CGNL1: variants seen among roughly 807,000 people sequenced by gnomAD.
CGNL1 encodes the protein cingulin like 1.
In CGNL1, 132 loss-of-function variants were observed where a neutral mutation model predicts 141.2. The ratio of observed to expected loss-of-function variants is 0.93; its 90% CI spans 0.81 to 1.08. CGNL1 has a LOEUF of 1.08. CGNL1 is among the 50% of genes least tolerant of loss of function. CGNL1 has a pLI of 0.00. For synonymous variants in CGNL1, 690 were observed against 622.1 expected (o/e 1.11, Z -1.63); for missense variants, 1,870 against 1,588.6 (o/e 1.18, Z -3.01).
intron 8 of CGNL1, among the ~76,000 whole-genome samples, chr15:57,508,067 A>G (rs1043526501): frequency 1.3e-5 from 2 of 152,208 alleles, no homozygotes; most frequent in Non-Finnish European, 1.5e-5. Context: ...TGGCATTGGA[A>G]TCAACTCTTC....
At chr15:57,532,802 GA>G (rs2032026372) in intron 14 of CGNL1, among the ~76,000 whole-genome samples, 1 of 152,208 alleles carries the variant, frequency 6.6e-6, no homozygotes, top group African/African-American at 2.4e-5. Context: ...ATGACCCTTA[GA>G]GCCTCAGCCC....
chr15:57,528,771 A>G lies in CGNL1; in HGVS notation c.3157A>G (p.Ser1053Gly), dbSNP rs141701488. 107 of 1,614,044 alleles carry G rather than the reference A, an allele frequency of 6.6e-5. No individual in the cohort carries two copies. Among genetic ancestry groups the G allele is most frequent in the Non-Finnish European group, 8.9e-5 (105 of 1,180,026 alleles). Residue 1053 changes from serine (S) to glycine (G), a missense_variant, in exon 13 of 19, where the codon AGT becomes GGT. Physicochemically the swap from Ser to Gly is moderately conservative, Grantham distance 56. Coordinates refer to ENST00000281282, the MANE Select transcript of CGNL1 (RefSeq NM_032866.5). ...CCTGGAGTATGAGCTGGAAGCCAAG[A>G]GTCACCTCAAAGATGACCGCAGCAG... ...KDLEYELEAK[S>G]HLKDDRSRLV... is the part of the protein sequence containing the mutation.
Position 57,439,274 on chromosome 15 carries a change from C to T in CGNL1, c.1275C>T (p.Cys425=), listed in dbSNP as rs746291161. The change falls in exon 2 of 19, where the codon TGC becomes TGT. Residue 425 remains cysteine (C), a synonymous_variant. Coordinates refer to ENST00000281282, the MANE Select transcript of CGNL1 (RefSeq NM_032866.5). The part of the protein sequence containing the change: ...SEHLLRPSQV[C]PQRPLSQERR... The stretch of plus-strand genomic sequence containing the variant: ...ACCTCCTCCGGCCTTCCCAGGTGTG[C>T]CCGCAGCGGCCACTGTCTCAGGAGC... 4.3e-6 allele frequency: 7 copies of T among 1,614,038 alleles called. No individual in the cohort carries two copies. Among genetic ancestry groups the T allele is most frequent in the Middle Eastern group, 3.3e-4 (2 of 6,062 alleles).
At chr15:57,532,978 C>T (rs147615718) in intron 14 of CGNL1, among the ~76,000 whole-genome samples, 208 of 152,336 alleles carry the variant, frequency 1.4e-3, no homozygotes, top group African/African-American at 4.8e-3. Context: ...TCCCTTTCCT[C>T]GGTTCAGGGT....
chr15:57,476,562 T>G (rs575610289), intron 8 of CGNL1, among the ~76,000 whole-genome samples: 1 of 152,314 alleles, frequency 6.6e-6, no homozygotes, highest in Non-Finnish European at 1.5e-5. Context: ...GTAGAAACCA[T>G]CAGAGTAGTA....
At chr15:57,428,821 G>A (rs562336682) in intron 1 of CGNL1, among the ~76,000 whole-genome samples, 4 of 152,176 alleles carry the variant, frequency 2.6e-5, no homozygotes, top group Admixed American at 1.3e-4. Flanking sequence ...TCAGGAGATC[G>A]AGACCATCCT....
In CGNL1 at chr15:57,531,727, A is replaced by G; in HGVS notation, c.3239A>G (p.Glu1080Gly). The part of the protein sequence containing the change: ...VSQLEMELEE[E>G]RNNSDLLSER... ...CAACTGGAGATGGAACTGGAAGAAG[A>G]GAGAAACAACTCAGATTTGCTGTCT... The change falls in exon 14 of 19, where the codon GAG becomes GGG. Residue 1080 changes from glutamate (E) to glycine (G), a missense_variant. By Grantham distance (98) the Glu-to-Gly change is moderately conservative. Transcript: ENST00000281282. 1.2e-6 allele frequency: 2 copies of G among 1,613,368 alleles called. No individual in the cohort carries two copies. Among genetic ancestry groups the G allele is most frequent in the South Asian group, 1.1e-5 (1 of 91,058 alleles).
At chr15:57,506,866 G>A (rs1186485889) in intron 8 of CGNL1, among the ~76,000 whole-genome samples, 2 of 152,164 alleles carry the variant, frequency 1.3e-5, no homozygotes, top group Non-Finnish European at 1.5e-5. Context: ...GAACAAGCAG[G>A]ACCAATTCAG....
chr15:57,523,673 G>A (rs778464616), intron 11 of CGNL1, 32 bp downstream of exon 11: 67 of 1,610,896 alleles, frequency 4.2e-5, no homozygotes, highest in Non-Finnish European at 5.3e-5. Flanking sequence ...GAGGAAGTAG[G>A]GCCAGATGTC....
intron 8 of CGNL1, among the ~76,000 whole-genome samples, chr15:57,467,957 T>C (rs1038532821): frequency 6.6e-6 from 1 of 152,168 alleles, no homozygotes; most frequent in African/African-American, 2.4e-5. Context: ...GGCGAAGTAC[T>C]GGGATTACAG....
At chr15:57,399,167 A>G (rs557831825) in intron 1 of CGNL1, among the ~76,000 whole-genome samples, 1 of 152,202 alleles carries the variant, frequency 6.6e-6, no homozygotes. Context: ...TAGTATATTC[A>G]TCACCTCAAA....
chr15:57,544,106 A>G (rs1222636837), intron 15 of CGNL1, among the ~76,000 whole-genome samples: 2 of 152,216 alleles, frequency 1.3e-5, no homozygotes, highest in African/African-American at 2.4e-5. Context: ...TTTCTTTTTC[A>G]TGATTTCTGT....
intron 1 of CGNL1, among the ~76,000 whole-genome samples, chr15:57,398,097 CTT>C (rs1484523223): frequency 2.0e-5 from 3 of 152,134 alleles, no homozygotes; most frequent in Non-Finnish European, 4.4e-5. Flanking sequence ...AAATTTCAAT[CTT>C]TCTTTCACTT....
chr15:57,472,362 AT>A (rs1424014116), intron 8 of CGNL1, among the ~76,000 whole-genome samples: 1 of 152,146 alleles, frequency 6.6e-6, no homozygotes, highest in Non-Finnish European at 1.5e-5. Context: ...GTAGAAGCAG[AT>A]AGGGAACAGC....
chr15:57,464,491 G>A (rs369287498), intron 8 of CGNL1, among the ~76,000 whole-genome samples: 5 of 152,254 alleles, frequency 3.3e-5, no homozygotes, highest in South Asian at 4.2e-4. Flanking sequence ...AGTCACATCC[G>A]TGCGGTGTCT....
intron 1 of CGNL1, among the ~76,000 whole-genome samples, chr15:57,393,396 C>A (rs1433818328): frequency 1.3e-5 from 2 of 152,152 alleles, no homozygotes; most frequent in Non-Finnish European, 2.9e-5. Context: ...GCCTCCTCTG[C>A]TGCAGGGTGA....
At chr15:57,432,336 A>G (rs942662946) in intron 1 of CGNL1, among the ~76,000 whole-genome samples, 3 of 152,172 alleles carry the variant, frequency 2.0e-5, no homozygotes, top group Admixed American at 1.3e-4. Context: ...TACGTGACTA[A>G]TCTCCATGCT....
chr15:57,515,129 C>G (rs1234973399), intron 8 of CGNL1, among the ~76,000 whole-genome samples: 1 of 152,162 alleles, frequency 6.6e-6, no homozygotes, highest in African/African-American at 2.4e-5. Context: ...CACTTTATTT[C>G]TCCTCTGTAT....
intron 7 of CGNL1, among the ~76,000 whole-genome samples, chr15:57,457,248 G>A (rs529755061): frequency 2.6e-5 from 4 of 152,332 alleles, no homozygotes; most frequent in Admixed American, 2.6e-4. Context: ...CACAGGTGGT[G>A]TGTGAAGTAG....
Sources: gnomAD v4.1 joint callset for allele counts (sites outside exome capture counted in the v4.1 genomes callset) on GRCh38, gnomAD v4.1.1 for gene constraint, MANE v1.5 for transcripts, NCBI Gene and HGNC (gene_info 2026-07-23, HGNC 2026-07-21) for gene names.